Variants in DYRK1A observed in about 807,000 individuals in gnomAD.
DYRK1A encodes dual specificity tyrosine-phosphorylation-regulated kinase 1A.
DYRK1A carries 9 observed loss-of-function variants against 79.7 expected under a neutral mutation model. The ratio of observed to expected loss-of-function variants is 0.11; its 90% confidence interval spans 0.07 to 0.20. DYRK1A has a LOEUF of 0.20. DYRK1A is among the 10% of genes least tolerant of loss of function. The pLI, the probability that DYRK1A is intolerant of heterozygous loss-of-function variation, is 1.00. For synonymous variants in DYRK1A, 349 were observed against 329.7 expected (o/e 1.06, Z -0.63); for missense variants, 622 against 956.0 (o/e 0.65, Z 4.61).
rs537621536 is a variant in DYRK1A, at chr21:37,457,895, T to A, written c.11-14789T>A. Among the ~76,000 whole-genome samples, 20 of 152,292 alleles carry A rather than the reference T, an allele frequency of 1.3e-4. No individual in the cohort carries two copies. The South Asian group carries it at 3.9e-3, about 30-fold the overall frequency. ...CTTTAGAAGAAGACAGAGGTAAAGA[T>A]CAGGGAAGGCAACTTTGTTTCCAAA... On this transcript the variant is annotated intron_variant, in intron 2 of 11. Coordinates refer to ENST00000647188, the MANE Select transcript of DYRK1A (RefSeq NM_001347721.2).
intron 2 of DYRK1A, among the ~76,000 whole-genome samples, chr21:37,430,608 A>G (rs1246545370): frequency 2.6e-5 from 4 of 152,202 alleles, no homozygotes; most frequent in African/African-American, 4.8e-5. Flanking sequence ...TGGGTGAGGC[A>G]TGTGGACTGA....
intron 1 of DYRK1A, among the ~76,000 whole-genome samples, chr21:37,392,849 C>T (rs370405118): frequency 9.8e-5 from 15 of 152,344 alleles, no homozygotes; most frequent in African/African-American, 3.1e-4. Flanking sequence ...ATTGATGTCT[C>T]GTGAGGATCC....
At chr21:37,394,844 A>G (rs2049932172) in intron 1 of DYRK1A, among the ~76,000 whole-genome samples, 1 of 152,214 alleles carries the variant, frequency 6.6e-6, no homozygotes, top group African/African-American at 2.4e-5. Flanking sequence ...AAGACTAGAT[A>G]AAAACCCTGA....
At chr21:37,383,388 G>C (rs1244479246) in intron 1 of DYRK1A, among the ~76,000 whole-genome samples, 2 of 152,104 alleles carry the variant, frequency 1.3e-5, no homozygotes, top group Non-Finnish European at 2.9e-5. Flanking sequence ...GTCCCCATGG[G>C]GTTTTCTGTG....
rs1418576969 is a variant in DYRK1A at position 37,521,348 on chromosome 21, G to A, written c.*8817G>A. 6.6e-6 allele frequency: 1 copy of A among 152,194 alleles called. No individual in the cohort carries two copies. Among genetic ancestry groups the A allele is most frequent in the East Asian group, 1.9e-4 (1 of 5,200 alleles). 9.4% of individuals were successfully genotyped at this position (152,194 alleles called of 1,614,324 possible). A position where few individuals can be genotyped will look rare whatever the true frequency, so the allele number is the denominator to read the frequency against. ...AAGAAAACAATCAGTACTAACCCTG[G>A]AAACAATTTAAAAATGAACAAAAAG... is the stretch of plus-strand genomic sequence containing the variant. On this transcript the variant is annotated 3_prime_UTR_variant, in exon 12 of 12. Coordinates refer to ENST00000647188, the MANE Select transcript of DYRK1A (RefSeq NM_001347721.2).
chr21:37,436,753 C>T (rs1035514272), intron 2 of DYRK1A, among the ~76,000 whole-genome samples: 9 of 152,176 alleles, frequency 5.9e-5, no homozygotes, highest in Admixed American at 1.3e-4. Context: ...GATTCTTAAT[C>T]ACACGTCCCC....
intron 7 of DYRK1A, among the ~76,000 whole-genome samples, chr21:37,491,227 TC>T (rs2053082354): frequency 1.3e-5 from 2 of 152,184 alleles, no homozygotes. Flanking sequence ...AGCAGTTTTT[TC>T]CTGTCATTCT....
At chr21:37,424,452 G>GT (rs753976540) in intron 2 of DYRK1A, among the ~76,000 whole-genome samples, 38 of 148,722 alleles carry the variant, frequency 2.6e-4, no homozygotes, top group Non-Finnish European at 4.9e-4. Flanking sequence ...TTCCCTTCCA[G>GT]TTGTTTTTCA....
intron 8 of DYRK1A, 82 bp from the exon 9 acceptor site, chr21:37,496,032 AATTT>A (rs1306333218): frequency 4.4e-6 from 6 of 1,360,170 alleles, no homozygotes; most frequent in Admixed American, 2.1e-5. Context: ...GGAGGTGTGC[AATTT>A]ATTTATGAAT....
intron 1 of DYRK1A, among the ~76,000 whole-genome samples, chr21:37,402,940 T>A (rs1381417621): frequency 1.3e-5 from 2 of 152,072 alleles, no homozygotes; most frequent in Non-Finnish European, 2.9e-5. Flanking sequence ...ATTTTTGTAT[T>A]TTTAGTAGAG....
chr21:37,475,773 T>C (rs1473134031), intron 3 of DYRK1A, among the ~76,000 whole-genome samples: 1 of 152,234 alleles, frequency 6.6e-6, no homozygotes, highest in East Asian at 1.9e-4. Context: ...ATATCCTATT[T>C]TGTATATGTA....
chr21:37,523,468 A>G lies in DYRK1A; in HGVS notation c.*10937A>G, dbSNP rs895135789. 7 of 152,162 alleles carry G rather than the reference A, an allele frequency of 4.6e-5. No homozygotes were observed. Among genetic ancestry groups the G allele is most frequent in the Admixed American group, 4.6e-4 (7 of 15,276 alleles). 9.4% of individuals were successfully genotyped at this position (152,162 alleles called of 1,614,324 possible). A position where few individuals can be genotyped will look rare whatever the true frequency, so the allele number is the denominator to read the frequency against. ...TTGTAAATGGAAGAAAAAATAAGAG[A>G]GATTCATTATGTTCTAATGACTATG... On this transcript the variant is annotated 3_prime_UTR_variant, in exon 12 of 12. Coordinates refer to ENST00000647188, the MANE Select transcript of DYRK1A (RefSeq NM_001347721.2).
chr21:37,392,716 A>C (rs537946248), intron 1 of DYRK1A, among the ~76,000 whole-genome samples: 1 of 152,356 alleles, frequency 6.6e-6, no homozygotes, highest in East Asian at 1.9e-4. Context: ...GGGGAACACC[A>C]GTATTCAGAC....
At chr21:37,421,262 C>T (rs2050467111) in intron 2 of DYRK1A, among the ~76,000 whole-genome samples, 1 of 151,872 alleles carries the variant, frequency 6.6e-6, no homozygotes, top group South Asian at 2.1e-4. Context: ...TGAATTGATA[C>T]CTAACAGATG....
intron 1 of DYRK1A, among the ~76,000 whole-genome samples, chr21:37,403,006 TGCCCCCCCTCA>T (rs1569294828): frequency 6.6e-6 from 1 of 151,894 alleles, no homozygotes; most frequent in Non-Finnish European, 1.5e-5. Flanking sequence ...TCAGGTGATC[TGCCCCCCCTCA>T]GCCTCCCAAA....
intron 11 of DYRK1A, among the ~76,000 whole-genome samples, chr21:37,509,673 C>T (rs2053697357): frequency 6.6e-6 from 1 of 152,244 alleles, no homozygotes; most frequent in Non-Finnish European, 1.5e-5. Context: ...GATCCTCCCA[C>T]CTCAGCCTTC....
chr21:37,515,176 T>G lies in DYRK1A; in HGVS notation c.*2645T>G, dbSNP rs1169367925. On this transcript the variant is annotated 3_prime_UTR_variant, in exon 12 of 12. Coordinates refer to ENST00000647188, the MANE Select transcript of DYRK1A (RefSeq NM_001347721.2). The stretch of plus-strand genomic sequence containing the variant: ...TGATAAACAGTTGAATAATTTGTCC[T>G]CAGACTCTTTACTATGCTTTTTTAA... 1 of 152,676 alleles carries G rather than the reference T, an allele frequency of 6.5e-6. No homozygotes were observed. Among genetic ancestry groups the G allele is most frequent in the African/African-American group, 2.4e-5 (1 of 41,462 alleles). 9.5% of individuals were successfully genotyped at this position (152,676 alleles called of 1,614,324 possible). A position where few individuals can be genotyped will look rare whatever the true frequency, so the allele number is the denominator to read the frequency against.
At chr21:37,499,177 G>C (rs2053364788) in intron 9 of DYRK1A, among the ~76,000 whole-genome samples, 1 of 151,808 alleles carries the variant, frequency 6.6e-6, no homozygotes, top group Non-Finnish European at 1.5e-5. Context: ...AAAAATCTTT[G>C]CCATCTCCAA....
intron 9 of DYRK1A, 114 bp downstream of exon 9, chr21:37,496,372 A>G (rs903208219): frequency 2.3e-5 from 24 of 1,028,578 alleles, no homozygotes; most frequent in Middle Eastern, 2.5e-4. Flanking sequence ...TAACGATTTT[A>G]TTGATACCTT....
Sources: gnomAD v4.1 joint callset for allele counts (sites outside exome capture counted in the v4.1 genomes callset) on GRCh38, gnomAD v4.1.1 for gene constraint, MANE v1.5 for transcripts, NCBI Gene and HGNC (gene_info 2026-07-23, HGNC 2026-07-21) for gene names.